Variants in ME1 observed in about 807,000 individuals in gnomAD.
The protein encoded by ME1 is NADP-dependent malic enzyme.
A neutral mutation model predicts 66.4 loss-of-function variants in ME1; 74 were observed. That is an observed-to-expected ratio of 1.11 (90% CI 0.92 to 1.35). The LOEUF (loss-of-function observed/expected upper bound fraction) is 1.35. Among genes scored for constraint, ME1 ranks in the 40% most tolerant of loss-of-function variants. The probability of loss-of-function intolerance (pLI) is 0.00; values close to 1 mark genes in which losing one functional copy is unlikely to be tolerated. For missense variants in ME1, 750 were observed against 694.1 expected, an observed-to-expected ratio of 1.08 and a Z score of -0.90; for synonymous variants, 251 against 235.6, an observed-to-expected ratio of 1.07 and a Z score of -0.60.
At chr6:83,376,900 T>A (rs577913748) in intron 3 of ME1, among the ~76,000 whole-genome samples, 169 of 151,806 alleles carry the variant, frequency 1.1e-3, no homozygotes, top group Non-Finnish European at 1.9e-3. Flanking sequence ...CTAATTCACC[T>A]GTAAGATTTG....
chr6:83,405,792 G>C (rs1769931111), intron 2 of ME1, among the ~76,000 whole-genome samples: 1 of 148,726 alleles, frequency 6.7e-6, no homozygotes, highest in African/African-American at 2.5e-5. Flanking sequence ...CGGGATCTCG[G>C]CTCACTGCAA....
chr6:83,332,424 G>C (rs1219232599), intron 5 of ME1, among the ~76,000 whole-genome samples: 1 of 152,114 alleles, frequency 6.6e-6, no homozygotes, highest in African/African-American at 2.4e-5. Flanking sequence ...CAAAGGAAAA[G>C]AAGCCATTAT....
In ME1 at chr6:83,228,810, A is replaced by G. The variant is rs372052504; in HGVS notation, c.1132+16T>C. ...AAATAAGGGGTAGGGGAGAAGGGAG[A>G]GGAGAAAATGCTTACCTATGAGGGC... On this transcript the variant is annotated intron_variant, in intron 10 of 13. Transcript: ENST00000369705. The G allele has an allele frequency of 2.7e-5, 41 of 1,506,972 alleles. No individual in the cohort carries two copies. The Middle Eastern group carries it at 1.0e-3, about 38-fold the overall frequency. The allele number at this position is 1,506,972 out of a possible 1,614,324, so 93.4% of individuals were successfully genotyped here. A position where few individuals can be genotyped will look rare whatever the true frequency, so the allele number is the denominator to read the frequency against.
intron 2 of ME1, among the ~76,000 whole-genome samples, chr6:83,405,173 T>G (rs1011483945): frequency 6.6e-6 from 1 of 152,236 alleles, no homozygotes; most frequent in African/African-American, 2.4e-5. Flanking sequence ...GTGTCCTCTC[T>G]TATTTCCTTG....
intron 5 of ME1, among the ~76,000 whole-genome samples, chr6:83,331,318 G>A (rs576891761): frequency 5.3e-5 from 8 of 152,156 alleles, no homozygotes; most frequent in Admixed American, 1.3e-4. Flanking sequence ...GGCCGGGTGC[G>A]GTGGCTCACG....
chr6:83,230,706 C>A (rs1467764810), intron 9 of ME1, among the ~76,000 whole-genome samples: 1 of 151,934 alleles, frequency 6.6e-6, no homozygotes, highest in African/African-American at 2.4e-5. Context: ...CTGAGGCGGG[C>A]GGATCACGAG....
chr6:83,369,073 A>G (rs929388383), intron 3 of ME1, among the ~76,000 whole-genome samples: 3 of 152,182 alleles, frequency 2.0e-5, no homozygotes, highest in African/African-American at 7.2e-5. Context: ...GACTTTTAAA[A>G]TAAAAATAGA....
In ME1 at chr6:83,237,302, A is replaced by AAAAG. The variant is rs70987737; in HGVS notation, c.1026+411_1026+414dup. Among the ~76,000 whole-genome samples the AAAAG allele has an allele frequency of 1.1e-3, 79 of 74,304 alleles. 4 individuals are homozygous for AAAAG. Among genetic ancestry groups the AAAAG allele is most frequent in the African/African-American group, 4.2e-3 (68 of 16,170 alleles). The allele number at this position is 74,304 out of a possible 152,430, so 48.7% of individuals were successfully genotyped here. ...AAGGAAGGAAGGAAGGAAAGAAAGAAAAAGAAAGAAAGAAAAGGAAGGAAA... is the reference window on the plus strand; with the variant it reads ...AAGGAAGGAAGGAAGGAAAGAAAGAAAAAGAAAGAAAGAAAGAAAAGGAAGGAAA... On this transcript the variant is annotated intron_variant, in intron 9 of 13. Transcript: ENST00000369705.
At chr6:83,350,278 G>A (rs1030684869) in intron 4 of ME1, among the ~76,000 whole-genome samples, 5 of 152,092 alleles carry the variant, frequency 3.3e-5, no homozygotes, top group African/African-American at 1.2e-4. Flanking sequence ...ATCAGTAAGG[G>A]CCCAATATTA....
At chr6:83,218,495 C>T (rs891775603) in intron 12 of ME1, among the ~76,000 whole-genome samples, 13 of 152,226 alleles carry the variant, frequency 8.5e-5, no homozygotes, top group African/African-American at 3.1e-4. Flanking sequence ...GACAGGGTGG[C>T]TGTAAGCTGT....
chr6:83,371,347 A>T (rs1465205069), intron 3 of ME1, among the ~76,000 whole-genome samples: 2 of 152,154 alleles, frequency 1.3e-5, no homozygotes, highest in Non-Finnish European at 2.9e-5. Flanking sequence ...CTTGCAGATT[A>T]GTGTATCTAA....
At position 83,387,240 on chromosome 6, in the gene ME1, A is replaced by G. The variant is rs140685465; in HGVS notation, c.362+11127T>C. Among the ~76,000 whole-genome samples the G allele has an allele frequency of 4.6e-5, 7 of 152,294 alleles. No homozygotes were observed. The East Asian group carries it at 1.3e-3, about 29-fold the overall frequency. ...CCAGGTAGATTTAAAACTAGAGAAA[A>G]TTTATAAAGCAAGAACAATATGAAA... On this transcript the variant is annotated intron_variant, in intron 3 of 13. Transcript: ENST00000369705.
In ME1 at chr6:83,219,686, G is replaced by A. The variant is rs557059813; in HGVS notation, c.1450-3090C>T. Among the ~76,000 whole-genome samples, 11 of 151,556 alleles carry A rather than the reference G, an allele frequency of 7.3e-5. No individual in the cohort carries two copies. The East Asian group carries it at 1.2e-3, about 16-fold the overall frequency. On this transcript the variant is annotated intron_variant, in intron 12 of 13. Coordinates refer to ENST00000369705, the MANE Select transcript of ME1 (RefSeq NM_002395.6). The stretch of plus-strand genomic sequence containing the variant: ...CTCCCTTAGCTTGGGTGATTCTGCC[G>A]CCTCAGACTCCCGAGTAGCTGAGAC...
At chr6:83,315,226 C>A (rs1583375124) in intron 6 of ME1, 84 bp downstream of exon 6, 2 of 770,804 alleles carry the variant, frequency 2.6e-6, no homozygotes, top group Admixed American at 2.3e-5. Flanking sequence ...AATTATTAAA[C>A]CATATTGCAT....
intron 8 of ME1, among the ~76,000 whole-genome samples, chr6:83,238,569 G>A (rs936456609): frequency 2.0e-5 from 3 of 152,006 alleles, no homozygotes; most frequent in Non-Finnish European, 4.4e-5. Context: ...ATGTTAATGA[G>A]CTGTCATTTA....
intron 3 of ME1, among the ~76,000 whole-genome samples, chr6:83,384,358 G>A (rs935319698): frequency 6.6e-6 from 1 of 151,618 alleles, no homozygotes; most frequent in African/African-American, 2.4e-5. Flanking sequence ...TTTAATAATA[G>A]TCATTGTGAC....
In ME1 at chr6:83,283,227, C is replaced by CAAAAAAAAAAAAA. The variant is rs71545854; in HGVS notation, c.705-29502_705-29490dup. On this transcript the variant is annotated intron_variant, in intron 6 of 13. Coordinates refer to ENST00000369705, the MANE Select transcript of ME1 (RefSeq NM_002395.6). ...TGGGCGACAGAGCAAGACTCCGTCTCAAAAAAAAAAAAAAAAAAAAATGAT... is the reference window on the plus strand; with the variant it reads ...TGGGCGACAGAGCAAGACTCCGTCTCAAAAAAAAAAAAAAAAAAAAAAAAAAAAAAAAAATGAT... Among the ~76,000 whole-genome samples the CAAAAAAAAAAAAA allele has an allele frequency of 4.5e-3, 129 of 28,850 alleles. 3 individuals are homozygous for CAAAAAAAAAAAAA. The highest frequency in any genetic ancestry group is 0.017 in the African/African-American group (125 of 7,172). 18.9% of individuals were successfully genotyped at this position (28,850 alleles called of 152,430 possible).
At chr6:83,402,070 C>G (rs190635114) in intron 2 of ME1, among the ~76,000 whole-genome samples, 7 of 152,268 alleles carry the variant, frequency 4.6e-5, no homozygotes, top group Admixed American at 4.6e-4. Flanking sequence ...TTAGAGCAAA[C>G]GAAGTGTGGG....
intron 5 of ME1, among the ~76,000 whole-genome samples, chr6:83,330,956 T>C (rs1467783013): frequency 2.6e-5 from 4 of 152,176 alleles, no homozygotes; most frequent in Non-Finnish European, 4.4e-5. Context: ...TTCATTCCAA[T>C]ACAGGATCAC....
Sources: allele counts gnomAD v4.1 joint callset (sites outside exome capture counted in the v4.1 genomes callset), GRCh38; gene constraint gnomAD v4.1.1; transcripts MANE v1.5; gene names NCBI Gene and HGNC (gene_info 2026-07-23, HGNC 2026-07-21).